The following ZFYVE16 variants were observed in gnomAD, a reference collection of about 807,000 sequenced individuals.
ZFYVE16 encodes the protein zinc finger FYVE domain-containing protein 16.
ZFYVE16 carries 89 observed loss-of-function variants against 138.1 expected under a neutral mutation model. That is an observed-to-expected ratio of 0.64 (90% CI 0.54 to 0.77). The LOEUF (loss-of-function observed/expected upper bound fraction) is 0.77. ZFYVE16 is among the 30% of genes least tolerant of loss of function. The pLI, the probability that ZFYVE16 is intolerant of heterozygous loss-of-function variation, is 0.00. For missense variants in ZFYVE16, 1,793 were observed against 1,786.7 expected, an observed-to-expected ratio of 1.00 and a Z score of -0.06; for synonymous variants, 596 against 618.3, an observed-to-expected ratio of 0.96 and a Z score of 0.53.
Position 80,456,566 on chromosome 5 carries a change from G to GT in ZFYVE16, c.3795+2dup. ...AATACCACGGAAAAAGTACAGTGAT[G>GT]TAAGTATAATTGTTTTATTCAAATG... On this transcript the variant is annotated splice_donor_variant, in intron 13 of 18. Transcript: ENST00000505560. LOFTEE classifies it high-confidence loss of function. The GT allele has an allele frequency of 1.2e-6, 2 of 1,601,684 alleles. No individual in the cohort carries two copies. Among genetic ancestry groups the GT allele is most frequent in the Non-Finnish European group, 1.7e-6 (2 of 1,170,218 alleles).
chr5:80,441,196 C>A (rs1750669483), intron 5 of ZFYVE16: 1 of 985,394 alleles, frequency 1.0e-6, no homozygotes, highest in Non-Finnish European at 1.2e-6. Context: ...ATCTCCCCCA[C>A]TTAAAAAGAA....
rs1755268698 is a variant in ZFYVE16 at position 80,481,503 on chromosome 5, C to T, written c.*4126C>T. 6.6e-6 allele frequency among the ~76,000 whole-genome samples: 1 copy of T among 151,976 alleles called. No individual in the cohort carries two copies. The highest frequency in any genetic ancestry group is 6.6e-5 in the Admixed American group (1 of 15,246). ...GCCACTAGATGGTGCACAACTGGGG[C>T]AAAGAACAGCTTAACAAAGGCAGTG... On this transcript the variant is annotated 3_prime_UTR_variant, in exon 19 of 19. Coordinates refer to ENST00000505560, the MANE Select transcript of ZFYVE16 (RefSeq NM_001284236.3).
intron 16 of ZFYVE16, 115 bp downstream of exon 16, chr5:80,473,038 T>A: frequency 1.0e-6 from 1 of 958,862 alleles, no homozygotes; most frequent in Non-Finnish European, 1.5e-6. Flanking sequence ...ACCATCAATT[T>A]AAATGCCTTT....
At chr5:80,471,338 A>G (rs941908952) in intron 15 of ZFYVE16, among the ~76,000 whole-genome samples, 1 of 152,212 alleles carries the variant, frequency 6.6e-6, no homozygotes, top group Non-Finnish European at 1.5e-5. Flanking sequence ...TGCTAATCAC[A>G]GGTTATGGAA....
chr5:80,447,725 G>C (rs754995023), intron 7 of ZFYVE16, among the ~76,000 whole-genome samples: 1 of 152,058 alleles, frequency 6.6e-6, no homozygotes, highest in Non-Finnish European at 1.5e-5. Flanking sequence ...TGTGTGATAT[G>C]GTATGGGATC....
intron 5 of ZFYVE16, 72 bp downstream of exon 5, chr5:80,440,104 A>T (rs921498213): frequency 2.3e-5 from 34 of 1,493,724 alleles, no homozygotes; most frequent in Non-Finnish European, 3.0e-5. Flanking sequence ...TGTGACAAAG[A>T]TAAACTTCTT....
chr5:80,456,422 A>C, intron 12 of ZFYVE16, 39 bp from the exon 13 acceptor site: 2 of 1,432,376 alleles, frequency 1.4e-6, no homozygotes, highest in Non-Finnish European at 9.7e-7. Flanking sequence ...AAAAATACTC[A>C]TGGTTAGTAG....
intron 16 of ZFYVE16, 38 bp from the exon 17 acceptor site, chr5:80,473,716 G>A: frequency 7.1e-7 from 1 of 1,409,652 alleles, no homozygotes; most frequent in South Asian, 1.3e-5. Context: ...AAACACATTG[G>A]TGCTAATAAT....
rs893866683 is a variant in ZFYVE16, at chr5:80,480,687, G to T, written c.*3310G>T. Among the ~76,000 whole-genome samples the T allele has an allele frequency of 5.3e-5, 8 of 152,128 alleles. No individual in the cohort carries two copies. Among genetic ancestry groups the T allele is most frequent in the African/African-American group, 1.9e-4 (8 of 41,414 alleles). On this transcript the variant is annotated 3_prime_UTR_variant, in exon 19 of 19. Coordinates refer to ENST00000505560, the MANE Select transcript of ZFYVE16 (RefSeq NM_001284236.3). ...CACCTGTAATCGAGCACTTTGGGAG[G>T]CCAAGGCAGGAGGATCACTCGAGCT...
rs753861628 is a variant in ZFYVE16 at position 80,437,581 on chromosome 5, C to G, written c.896C>G (p.Thr299Arg). ...AAECLKEEGK[T>R]SALTCSLPKN... Reference sequence around the variant, plus strand: ...GAATGTTTAAAAGAAGAGGGCAAGACAAGTGCTTTGACCTGCAGCCTTCCG... The same window carrying G: ...GAATGTTTAAAAGAAGAGGGCAAGAGAAGTGCTTTGACCTGCAGCCTTCCG... Residue 299 changes from threonine (T) to arginine (R), a missense_variant, in exon 4 of 19, where the codon ACA (threonine) becomes AGA (arginine). This residue lies in a region of ZFYVE16 where 1,295 missense variants were observed against 1,204.3 expected (regional missense o/e 1.08). Transcript: ENST00000505560. 1.2e-6 allele frequency: 2 copies of G among 1,614,024 alleles called. No homozygotes were observed. Among genetic ancestry groups the G allele is most frequent in the East Asian group, 2.2e-5 (1 of 44,874 alleles).
At chr5:80,422,299 T>C (rs1030078012) in intron 1 of ZFYVE16, among the ~76,000 whole-genome samples, 29 of 152,166 alleles carry the variant, frequency 1.9e-4, no homozygotes, top group African/African-American at 7.0e-4. Context: ...AGAGAAGATA[T>C]CCTTTCCTTG....
chr5:80,426,216 G>GTA (rs1314801364), intron 1 of ZFYVE16, among the ~76,000 whole-genome samples: 2 of 145,318 alleles, frequency 1.4e-5, no homozygotes, highest in African/African-American at 5.2e-5. Context: ...GTGTGTGTGT[G>GTA]TGTGTGTGTG....
At chr5:80,420,308 ATTATAC>A (rs1331237473) in intron 1 of ZFYVE16, among the ~76,000 whole-genome samples, 1 of 151,778 alleles carries the variant, frequency 6.6e-6, no homozygotes. Context: ...ATTATTTTTT[ATTATAC>A]TTTAAGTTCT....
chr5:80,443,012 A>G (rs1251552038), intron 5 of ZFYVE16, 111 bp from the exon 6 acceptor site: 1 of 1,095,126 alleles, frequency 9.1e-7, no homozygotes, highest in Non-Finnish European at 1.3e-6. Context: ...TTGATTAGCC[A>G]TTTCTTTCTT....
chr5:80,472,867 C>T lies in ZFYVE16; in HGVS notation c.4131C>T (p.Asp1377=), dbSNP rs778927881. 1.9e-5 allele frequency: 30 copies of T among 1,613,456 alleles called. No individual in the cohort carries two copies. In the Admixed American group the frequency reaches 4.8e-4, roughly 26 times the overall value. Residue 1377 remains aspartate, a synonymous_variant, in exon 16 of 19, where the codon GAC becomes GAT. Transcript: ENST00000505560. The stretch of plus-strand genomic sequence containing the variant: ...CATGTGGGAAAGTTGATGCAGTAGA[C>T]CTGAGAGAATACGTGGATATCTGCT... ...KITCGKVDAV[D]LREYVDICWV... is the part of the protein sequence containing the mutation.
intron 10 of ZFYVE16, among the ~76,000 whole-genome samples, chr5:80,450,972 C>T (rs2112453842): frequency 6.6e-6 from 1 of 152,140 alleles, no homozygotes; most frequent in East Asian, 1.9e-4. Context: ...CCATCATGCC[C>T]AGCTAATTTT....
chr5:80,438,480 G>T lies in ZFYVE16; in HGVS notation c.1795G>T (p.Val599Phe), dbSNP rs749002865. The T allele has an allele frequency of 1.9e-6, 3 of 1,613,470 alleles. No individual in the cohort carries two copies. Among genetic ancestry groups the T allele is most frequent in the Non-Finnish European group, 2.5e-6 (3 of 1,179,810 alleles). The change falls in exon 4 of 19, where the codon GTT becomes TTT. Residue 599 changes from valine (V) to phenylalanine (F), a missense_variant. Transcript: ENST00000505560. ...TGGTATTAATATAATTTGTGAAATA[G>T]TTGATAAACAAAATACAATAGAAAA... ...SHGINIICEI[V>F]DKQNTIENGL...
intron 1 of ZFYVE16, among the ~76,000 whole-genome samples, chr5:80,415,122 C>G (rs1733343173): frequency 6.6e-6 from 1 of 152,140 alleles, no homozygotes; most frequent in Non-Finnish European, 1.5e-5. Context: ...CTCCTGTTTT[C>G]TATCCCTTTC....
At chr5:80,434,420 C>T (rs752245619) in intron 3 of ZFYVE16, among the ~76,000 whole-genome samples, 1 of 152,116 alleles carries the variant, frequency 6.6e-6, no homozygotes, top group Non-Finnish European at 1.5e-5. Flanking sequence ...AAGTAAGGAA[C>T]CTAGAAAGTT....
Sources: gnomAD v4.1 joint callset for allele counts (sites outside exome capture counted in the v4.1 genomes callset) on GRCh38, gnomAD v4.1.1 for gene constraint, gnomAD v4.1.1 regional missense constraint, MANE v1.5 for transcripts, NCBI Gene and HGNC (gene_info 2026-07-23, HGNC 2026-07-21) for gene names.